HECW1: variants seen among roughly 807,000 people sequenced by gnomAD.
The protein encoded by HECW1 is E3 ubiquitin-protein ligase HECW1.
HECW1 carries 61 observed loss-of-function variants against 182.3 expected under a neutral mutation model. The observed-to-expected ratio is 0.33, with a 90% CI of 0.27 to 0.41. HECW1 has a LOEUF of 0.41. Ranked by LOEUF, HECW1 falls within the 10% of genes least tolerant of loss-of-function variation. HECW1 has a pLI of 1.00. For missense variants in HECW1, 1,739 were observed against 2,108.9 expected (o/e 0.82, Z 3.44); for synonymous variants, 859 against 832.6 (o/e 1.03, Z -0.55).
At chr7:43,327,393 G>A (rs925499560) in intron 5 of HECW1, among the ~76,000 whole-genome samples, 2 of 152,094 alleles carry the variant, frequency 1.3e-5, no homozygotes, top group Non-Finnish European at 2.9e-5. Context: ...TTGAAATCAT[G>A]GTTAAAATTG....
rs1362651310 is a variant in HECW1 at position 43,565,573 on chromosome 7, A to ATTATTT, written c.*3652_*3653insTTTATT. ...AATGTGGTGCTTTATTATTATTATT[A>ATTATTT]TTATTATTTTTATTATTATTATTAT... is the stretch of plus-strand genomic sequence containing the variant. On this transcript the variant is annotated 3_prime_UTR_variant, in exon 30 of 30. Coordinates refer to ENST00000395891, the MANE Select transcript of HECW1 (RefSeq NM_015052.5). 1 of 165,410 alleles carries ATTATTT rather than the reference A, an allele frequency of 6.0e-6. No individual in the cohort carries two copies. Among genetic ancestry groups the ATTATTT allele is most frequent in the Non-Finnish European group, 1.3e-5 (1 of 78,854 alleles). The allele number at this position is 165,410 out of a possible 1,614,324, so 10.2% of individuals were successfully genotyped here.
chr7:43,227,621 T>C (rs1025476296), intron 2 of HECW1, among the ~76,000 whole-genome samples: 2 of 152,214 alleles, frequency 1.3e-5, no homozygotes, highest in African/African-American at 4.8e-5. Flanking sequence ...ATTAATAAAA[T>C]ATCCTCTATT....
intron 3 of HECW1, among the ~76,000 whole-genome samples, chr7:43,250,418 G>T (rs999518151): frequency 6.6e-6 from 1 of 152,156 alleles, no homozygotes; most frequent in African/African-American, 2.4e-5. Context: ...GTCAAAAAAT[G>T]AGAGATACAG....
chr7:43,502,660 C>CA (rs1425469055), intron 21 of HECW1, among the ~76,000 whole-genome samples: 1 of 151,470 alleles, frequency 6.6e-6, no homozygotes, highest in Non-Finnish European at 1.5e-5. Context: ...GACCCTGTCT[C>CA]AAAAAACAAA....
intron 29 of HECW1, among the ~76,000 whole-genome samples, chr7:43,555,731 T>A (rs2081994718): frequency 6.6e-6 from 1 of 152,200 alleles, no homozygotes. Context: ...CCCAGCTGGT[T>A]AACCACAGCT....
rs183525663 is a variant in HECW1 at position 43,262,652 on chromosome 7, G to A, written c.27+18720G>A. Among the ~76,000 whole-genome samples, 466 of 152,264 alleles carry A rather than the reference G, an allele frequency of 3.1e-3. 14 individuals are homozygous for A. Among genetic ancestry groups the A allele is most frequent in the Admixed American group, 0.028 (433 of 15,292 alleles). On this transcript the variant is annotated intron_variant, in intron 3 of 29. Coordinates refer to ENST00000395891, the MANE Select transcript of HECW1 (RefSeq NM_015052.5). ...CAAAGAGTCTTCAATGCAGTAATGA[G>A]GTTAACATGCATTCCTAGGGGGAAA... is the stretch of plus-strand genomic sequence containing the variant.
At chr7:43,160,524 C>T (rs373197625) in intron 2 of HECW1, among the ~76,000 whole-genome samples, 13 of 152,130 alleles carry the variant, frequency 8.5e-5, no homozygotes, top group African/African-American at 2.2e-4. Context: ...CCTAGAGGCA[C>T]GCGTTGAGTA....
Position 43,236,994 on chromosome 7 carries a change from A to AT in HECW1, c.-31-6881_-31-6880insT, listed in dbSNP as rs924055394. ...TTTCACAATAGTAAATGAAACCAAAAAAAAACTAACTATACCCAATGATTA... is the reference window on the plus strand; with the variant it reads ...TTTCACAATAGTAAATGAAACCAAAATAAAAACTAACTATACCCAATGATTA... On this transcript the variant is annotated intron_variant, in intron 2 of 29. Transcript: ENST00000395891. 8.0e-4 allele frequency among the ~76,000 whole-genome samples: 122 copies of AT among 152,246 alleles called. 2 individuals are homozygous for AT. The highest frequency in any genetic ancestry group is 6.8e-3 in the Middle Eastern group (2 of 294).
chr7:43,481,040 A>G (rs2078416048), intron 17 of HECW1, among the ~76,000 whole-genome samples: 1 of 152,126 alleles, frequency 6.6e-6, no homozygotes, highest in African/African-American at 2.4e-5. Flanking sequence ...GTTTCAGGAG[A>G]CTGCTGAAAG....
intron 20 of HECW1, 57 bp downstream of exon 20, chr7:43,500,839 A>G (rs1433471101): frequency 1.4e-6 from 2 of 1,392,376 alleles, no homozygotes; most frequent in East Asian, 2.3e-5. Flanking sequence ...GCTCTCCTCC[A>G]TCACGGCCAC....
chr7:43,255,583 G>C (rs1584201570), intron 3 of HECW1, among the ~76,000 whole-genome samples: 2 of 146,356 alleles, frequency 1.4e-5, no homozygotes, highest in Admixed American at 1.3e-4. Flanking sequence ...GGTGACAAGA[G>C]TGAAACTCTG....
intron 2 of HECW1, among the ~76,000 whole-genome samples, chr7:43,201,339 A>G (rs75530205): frequency 0.019 from 2,938 of 152,272 alleles, 93 homozygotes; most frequent in African/African-American, 0.067. Context: ...GAGGCTGCGG[A>G]AGTCCATGAG....
At chr7:43,477,012 G>C (rs977422871) in intron 16 of HECW1, among the ~76,000 whole-genome samples, 1 of 152,032 alleles carries the variant, frequency 6.6e-6, no homozygotes, top group Non-Finnish European at 1.5e-5. Context: ...TTAACATCCC[G>C]ACAACAATAG....
At position 43,463,813 on chromosome 7, in the gene HECW1, G is replaced by A. The variant is rs745832252; in HGVS notation, c.2791+14G>A. ...AGTCCAGCTTAGGTATTGGAGGAGG[G>A]GTCCCCACAACCTGTGATGGCTTTC... On this transcript the variant is annotated intron_variant, in intron 14 of 29. Coordinates refer to ENST00000395891, the MANE Select transcript of HECW1 (RefSeq NM_015052.5). The A allele has an allele frequency of 2.5e-6, 4 of 1,612,778 alleles. No individual in the cohort carries two copies. In the South Asian group the frequency reaches 3.3e-5, roughly 13 times the overall value.
intron 8 of HECW1, among the ~76,000 whole-genome samples, chr7:43,409,367 A>G (rs568140815): frequency 6.6e-6 from 1 of 152,306 alleles, no homozygotes; most frequent in Admixed American, 6.5e-5. Flanking sequence ...ATAATAAAAG[A>G]TGTCAAAAGA....
At chr7:43,447,863 C>T (rs2077108069) in intron 11 of HECW1, among the ~76,000 whole-genome samples, 2 of 152,078 alleles carry the variant, frequency 1.3e-5, no homozygotes, top group Admixed American at 1.3e-4. Flanking sequence ...TGTGGGCTCA[C>T]GCCTGTAATC....
At chr7:43,556,927 G>C (rs1004883761) in intron 29 of HECW1, among the ~76,000 whole-genome samples, 2 of 152,020 alleles carry the variant, frequency 1.3e-5, no homozygotes, top group African/African-American at 2.4e-5. Flanking sequence ...GCACCCCTAA[G>C]AGGGCTGCTG....
At chr7:43,356,082 G>A (rs1242312804) in intron 5 of HECW1, among the ~76,000 whole-genome samples, 1 of 152,064 alleles carries the variant, frequency 6.6e-6, no homozygotes, top group South Asian at 2.1e-4. Flanking sequence ...ATATAAATAT[G>A]CTCAATTCTC....
Position 43,385,056 on chromosome 7 carries a change from A to T in HECW1, c.556-11758A>T, listed in dbSNP as rs12155375. On this transcript the variant is annotated intron_variant, in intron 6 of 29. Coordinates refer to ENST00000395891, the MANE Select transcript of HECW1 (RefSeq NM_015052.5). Reference sequence around the variant, plus strand: ...GCAGTTCTGGAAGGACAATAATTACAAGGAGTTTCATAATTTGTAAGAAAA... The same window carrying T: ...GCAGTTCTGGAAGGACAATAATTACTAGGAGTTTCATAATTTGTAAGAAAA... 2.0e-3 allele frequency among the ~76,000 whole-genome samples: 300 copies of T among 152,128 alleles called. 2 individuals carry two copies. The highest frequency in any genetic ancestry group is 3.3e-3 in the Non-Finnish European group (225 of 67,984).
Sources: gnomAD v4.1 joint callset for allele counts (sites outside exome capture counted in the v4.1 genomes callset) on GRCh38, gnomAD v4.1.1 for gene constraint, MANE v1.5 for transcripts, NCBI Gene and HGNC (gene_info 2026-07-23, HGNC 2026-07-21) for gene names.